BRCA1: variants seen among roughly 807,000 people sequenced by gnomAD.
BRCA1 encodes the protein BRCA1 DNA repair associated.
In BRCA1, 140 loss-of-function variants were observed where a neutral mutation model predicts 173.7. That is an observed-to-expected ratio of 0.81 (90% CI 0.70 to 0.93). The LOEUF (loss-of-function observed/expected upper bound fraction) is 0.93. Among genes scored for constraint, BRCA1 ranks in the 40% least tolerant of loss-of-function variants. The pLI is 0.00. For synonymous variants in BRCA1, 662 were observed against 756.0 expected, an observed-to-expected ratio of 0.88 and a Z score of 2.04; for missense variants, 1,983 against 2,172.5, an observed-to-expected ratio of 0.91 and a Z score of 1.73.
chr17:43,141,508 T>A (rs184882383), intron 1 of BRCA1, among the ~76,000 whole-genome samples: 10 of 151,644 alleles, frequency 6.6e-5, no homozygotes, highest in Admixed American at 4.6e-4. Context: ...CATAAAAAAA[T>A]TTTTTGTTAT....
intron 1 of BRCA1, chr17:43,164,707 G>C (rs2056256453): frequency 1.3e-5 from 2 of 152,152 alleles, no homozygotes; most frequent in Non-Finnish European, 1.5e-5. Flanking sequence ...CAGTCTTGGT[G>C]GTTAGCAACA....
chr17:43,107,110 G>A (rs371005195), intron 3 of BRCA1, among the ~76,000 whole-genome samples: 4 of 144,446 alleles, frequency 2.8e-5, no homozygotes, highest in Non-Finnish European at 6.0e-5. Flanking sequence ...TGTCTCCCAG[G>A]CTGGAGTGCA....
intron 3 of BRCA1, among the ~76,000 whole-genome samples, chr17:43,113,423 T>A (rs1002561192): frequency 6.6e-6 from 1 of 151,674 alleles, no homozygotes; most frequent in African/African-American, 2.4e-5. Context: ...CTGGAGTGCA[T>A]TGGCATGATC....
At chr17:43,083,500 AATCT>A (rs1214376683) in intron 11 of BRCA1, among the ~76,000 whole-genome samples, 1 of 152,178 alleles carries the variant, frequency 6.6e-6, no homozygotes, top group East Asian at 1.9e-4. Context: ...CTAATTCATG[AATCT>A]ATCTGTTTGC....
chr17:43,083,897 C>G (rs957230453), intron 11 of BRCA1, among the ~76,000 whole-genome samples: 1 of 151,946 alleles, frequency 6.6e-6, no homozygotes, highest in Admixed American at 6.6e-5. Flanking sequence ...CAGTCTTGCT[C>G]TGTTGCCCCA....
chr17:43,054,087 T>C (rs2051361630), intron 19 of BRCA1, among the ~76,000 whole-genome samples: 1 of 152,226 alleles, frequency 6.6e-6, no homozygotes, highest in Non-Finnish European at 1.5e-5. Context: ...CCACATACTT[T>C]CCATCATTGC....
rs1350236972 is a variant in BRCA1, at chr17:43,104,154, G to A, written c.409C>T (p.Leu137Phe). ...SMGYRNRAKR[L>F]LQSEPENPSL... is the part of the protein sequence containing the mutation. ...GGATTTTCGGGTTCACTCTGTAGAA[G>A]TCTTTTGGCACGGTTTCTGTAGCCC... Residue 137 changes from leucine to phenylalanine, a missense_variant, in exon 6 of 23, where the codon CTT becomes TTT. Transcript: ENST00000357654. The A allele has an allele frequency of 6.2e-7, 1 of 1,613,914 alleles. No homozygotes were observed. The highest frequency in any genetic ancestry group is 1.7e-5 in the Admixed American group (1 of 60,000).
intron 18 of BRCA1, among the ~76,000 whole-genome samples, chr17:43,058,937 G>A (rs2051626989): frequency 6.6e-6 from 1 of 152,150 alleles, no homozygotes; most frequent in South Asian, 2.1e-4. Flanking sequence ...TGTAGGGAAG[G>A]CCTTATGTGT....
At chr17:43,153,289 C>A (rs938102981) in intron 1 of BRCA1, among the ~76,000 whole-genome samples, 2 of 152,038 alleles carry the variant, frequency 1.3e-5, no homozygotes, top group African/African-American at 2.4e-5. Flanking sequence ...CCCAATTTCC[C>A]CTGAGAAAAA....
At chr17:43,076,360 G>A (rs2052709456) in intron 13 of BRCA1, 128 bp downstream of exon 13, 5 of 1,112,420 alleles carry the variant, frequency 4.5e-6, no homozygotes, top group Non-Finnish European at 6.7e-6. Flanking sequence ...GTATCCTAGA[G>A]CAATAAAAGT....
intron 1 of BRCA1, among the ~76,000 whole-genome samples, chr17:43,135,889 C>T (rs943359573): frequency 2.0e-5 from 3 of 152,206 alleles, no homozygotes; most frequent in Non-Finnish European, 2.9e-5. Flanking sequence ...CATCCCCAGG[C>T]GCCCGGCCTC....
At chr17:43,070,278 C>T (rs2052327322) in intron 15 of BRCA1, among the ~76,000 whole-genome samples, 1 of 151,960 alleles carries the variant, frequency 6.6e-6, no homozygotes, top group African/African-American at 2.4e-5. Flanking sequence ...CAATTAATTA[C>T]AGGGGTGGTA....
At chr17:43,148,277 G>GA (rs1383558843) in intron 1 of BRCA1, 1 of 164,596 alleles carries the variant, frequency 6.1e-6, no homozygotes, top group African/African-American at 2.5e-5. Context: ...CAACAAGAGG[G>GA]AACTCCATCT....
intron 12 of BRCA1, chr17:43,079,571 C>T (rs1325030582): frequency 8.0e-6 from 7 of 872,232 alleles, no homozygotes; most frequent in African/African-American, 5.0e-5. Flanking sequence ...AATTAATGTG[C>T]GTATTGAGCA....
At chr17:43,051,686 G>C (rs552657801) in intron 19 of BRCA1, among the ~76,000 whole-genome samples, 1 of 151,368 alleles carries the variant, frequency 6.6e-6, no homozygotes, top group South Asian at 2.1e-4. Flanking sequence ...ACCTAGGCTG[G>C]AGCGTAGTGG....
At chr17:43,156,643 C>G (rs2056199134) in intron 1 of BRCA1, among the ~76,000 whole-genome samples, 1 of 152,060 alleles carries the variant, frequency 6.6e-6, no homozygotes, top group Non-Finnish European at 1.5e-5. Context: ...TACTAAATCC[C>G]TATTTCTGAG....
intron 14 of BRCA1, 120 bp from the exon 15 acceptor site, chr17:43,071,358 A>G: frequency 8.8e-7 from 1 of 1,130,270 alleles, no homozygotes; most frequent in South Asian, 1.3e-5. Context: ...TGGGTACATG[A>G]ATACAGTGTT....
intron 1 of BRCA1, among the ~76,000 whole-genome samples, chr17:43,134,333 C>T (rs1050284875): frequency 1.3e-5 from 2 of 152,162 alleles, no homozygotes; most frequent in African/African-American, 4.8e-5. Flanking sequence ...GCCTGCAGAC[C>T]TTTCAAAGAA....
chr17:43,127,955 C>T (rs552179048), upstream of BRCA1, among the ~76,000 whole-genome samples: 4 of 135,420 alleles, frequency 3.0e-5, no homozygotes, highest in Non-Finnish European at 4.6e-5. Flanking sequence ...ACCCGGGAGG[C>T]GGAGCTTGCA....
Sources: allele counts gnomAD v4.1 joint callset (sites outside exome capture counted in the v4.1 genomes callset), GRCh38; gene constraint gnomAD v4.1.1; transcripts MANE v1.5; gene names NCBI Gene and HGNC (gene_info 2026-07-23, HGNC 2026-07-21).